Variants in ARPC2 observed in about 807,000 individuals in gnomAD.
ARPC2 encodes the protein actin related protein 2/3 complex subunit 2, also known as actin-related protein 2/3 complex subunit 2.
Under a neutral mutation model 38.6 loss-of-function variants are expected in ARPC2, and 4 were observed. The ratio of observed to expected loss-of-function variants is 0.10; its 90% CI spans 0.05 to 0.24. The LOEUF (loss-of-function observed/expected upper bound fraction) is 0.24, where lower values mean the gene tolerates loss of function less well. Ranked by LOEUF, ARPC2 falls within the 10% of genes least tolerant of loss-of-function variation. The pLI is 1.00. For synonymous variants in ARPC2, 125 were observed against 140.8 expected, an observed-to-expected ratio of 0.89 and a Z score of 0.79; for missense variants, 229 against 387.3, an observed-to-expected ratio of 0.59 and a Z score of 3.43.
chr2:218,254,125 G>C lies in ARPC2; in HGVS notation c.*210G>C, dbSNP rs1321183077. 4 of 496,618 alleles carry C rather than the reference G, an allele frequency of 8.1e-6. No individual in the cohort carries two copies. The highest frequency in any genetic ancestry group is 6.1e-5 in the African/African-American group (3 of 48,988). The allele number at this position is 496,618 out of a possible 1,614,324, so 30.8% of individuals were successfully genotyped here. On this transcript the variant is annotated 3_prime_UTR_variant, in exon 11 of 11. Coordinates refer to ENST00000315717, the MANE Select transcript of ARPC2 (RefSeq NM_152862.3). ...CCAAGAATTAAAAAAAAAAAAAAAA[G>C]AATTCCACTTGATCAACTTAATTCC...
chr2:218,228,378 G>A (rs781669743), intron 3 of ARPC2, among the ~76,000 whole-genome samples: 19 of 151,988 alleles, frequency 1.3e-4, no homozygotes, highest in Non-Finnish European at 7.4e-5. Flanking sequence ...ACTCCAGCCT[G>A]GGTGACAGAG....
At chr2:218,247,375 T>G (rs955363618) in intron 8 of ARPC2, among the ~76,000 whole-genome samples, 2 of 152,274 alleles carry the variant, frequency 1.3e-5, no homozygotes, top group Non-Finnish European at 2.9e-5. Flanking sequence ...GAATGTCTCC[T>G]TTGTGAAATG....
At chr2:218,229,571 A>G (rs1689582884) in intron 4 of ARPC2, among the ~76,000 whole-genome samples, 1 of 152,262 alleles carries the variant, frequency 6.6e-6, no homozygotes, top group Non-Finnish European at 1.5e-5. Context: ...GGTTCTCCTT[A>G]ATCTGTTAAA....
chr2:218,225,716 G>T (rs1689481281), intron 2 of ARPC2, among the ~76,000 whole-genome samples: 1 of 148,054 alleles, frequency 6.8e-6, no homozygotes, highest in Non-Finnish European at 1.5e-5. Context: ...TTTTTTATCT[G>T]ACCTTCCTTT....
chr2:218,219,667 C>T (rs1235987673), intron 2 of ARPC2, among the ~76,000 whole-genome samples: 3 of 152,102 alleles, frequency 2.0e-5, no homozygotes, highest in Non-Finnish European at 2.9e-5. Context: ...CAAAGATATG[C>T]ATTGTAGGGA....
At chr2:218,232,901 C>T (rs1227648473) in intron 4 of ARPC2, 2 of 152,062 alleles carry the variant, frequency 1.3e-5, no homozygotes, top group South Asian at 2.1e-4. Flanking sequence ...AACAGCCCCT[C>T]TTGTGAATAA....
intron 7 of ARPC2, among the ~76,000 whole-genome samples, chr2:218,241,683 G>T (rs367552262): frequency 1.3e-5 from 2 of 152,304 alleles, no homozygotes; most frequent in East Asian, 3.9e-4. Context: ...GGAGAATTTT[G>T]TGTATTCTTT....
intron 10 of ARPC2, 103 bp from the exon 11 acceptor site, chr2:218,253,788 C>A: frequency 2.2e-6 from 3 of 1,376,456 alleles, no homozygotes; most frequent in South Asian, 1.5e-5. Flanking sequence ...CCCTTTCCAC[C>A]TCTCATTTGG....
chr2:218,220,965 C>T (rs1303334824), intron 2 of ARPC2, among the ~76,000 whole-genome samples: 1 of 152,202 alleles, frequency 6.6e-6, no homozygotes, highest in Non-Finnish European at 1.5e-5. Flanking sequence ...TAACCTCATG[C>T]ACAGGTCTGA....
At chr2:218,235,187 T>A (rs1689740989) in intron 5 of ARPC2, 1 of 260,654 alleles carries the variant, frequency 3.8e-6, no homozygotes. Context: ...ACCTCACCTA[T>A]TTTTTCAGAC....
chr2:218,249,305 C>G (rs1690122830), intron 8 of ARPC2, 59 bp from the exon 9 acceptor site: 1 of 1,235,618 alleles, frequency 8.1e-7, no homozygotes, highest in South Asian at 1.3e-5. Flanking sequence ...TGTTGTTCTT[C>G]CCCACCCTTT....
chr2:218,249,728 C>A, intron 9 of ARPC2, 93 bp from the exon 10 acceptor site: 1 of 1,269,650 alleles, frequency 7.9e-7, no homozygotes, highest in Non-Finnish European at 1.1e-6. Context: ...GTGTATGTTC[C>A]CAACCGCCCT....
intron 7 of ARPC2, among the ~76,000 whole-genome samples, chr2:218,242,644 A>G (rs10182823): frequency 0.029 from 4,405 of 152,252 alleles, 236 homozygotes; most frequent in African/African-American, 0.099. Flanking sequence ...CTGTTTTCCC[A>G]GAGTATGTTG....
intron 8 of ARPC2, 24 bp from the exon 9 acceptor site, chr2:218,249,340 C>T: frequency 6.4e-7 from 1 of 1,573,334 alleles, no homozygotes; most frequent in South Asian, 1.1e-5. Flanking sequence ...GTCCTGACGC[C>T]TTGTTTGTGT....
intron 10 of ARPC2, among the ~76,000 whole-genome samples, chr2:218,252,180 A>T (rs1244659606): frequency 6.6e-6 from 1 of 152,068 alleles, no homozygotes; most frequent in Non-Finnish European, 1.5e-5. Flanking sequence ...CTAAGATCGC[A>T]CCATTGCACT....
chr2:218,236,128 C>T (rs1158402989), intron 5 of ARPC2: 2 of 151,252 alleles, frequency 1.3e-5, no homozygotes, highest in Non-Finnish European at 2.9e-5. Flanking sequence ...CTCTCCTCCT[C>T]TTTTTTAATG....
intron 2 of ARPC2, among the ~76,000 whole-genome samples, chr2:218,221,070 C>T (rs926846353): frequency 2.6e-5 from 4 of 152,224 alleles, no homozygotes; most frequent in African/African-American, 4.8e-5. Context: ...TTAGTGTACA[C>T]ACCAAGAACC....
At chr2:218,253,806 T>C in intron 10 of ARPC2, 85 bp from the exon 11 acceptor site, 2 of 1,476,212 alleles carry the variant, frequency 1.4e-6, no homozygotes, top group East Asian at 2.4e-5. Context: ...TGGTGTTTCT[T>C]TGGGATCCCA....
In ARPC2 at chr2:218,249,468, A is replaced by AG. The variant is rs756854303; in HGVS notation, c.777+10dup. On this transcript the variant is annotated splice_donor_region_variant and intron_variant, in intron 9 of 10. Coordinates refer to ENST00000315717, the MANE Select transcript of ARPC2 (RefSeq NM_152862.3). ...CTACCACATCAAGTGCTCTAAGGTGAGGGGGGTGCCAGCATCTCAGCCTCT... is the reference window on the plus strand; with the variant it reads ...CTACCACATCAAGTGCTCTAAGGTGAGGGGGGGTGCCAGCATCTCAGCCTCT... 1.9e-6 allele frequency: 3 copies of AG among 1,588,468 alleles called. No individual in the cohort carries two copies. Among genetic ancestry groups the AG allele is most frequent in the East Asian group, 2.2e-5 (1 of 44,704 alleles).
Sources: gnomAD v4.1 joint callset for allele counts (sites outside exome capture counted in the v4.1 genomes callset) on GRCh38, gnomAD v4.1.1 for gene constraint, MANE v1.5 for transcripts, NCBI Gene and HGNC (gene_info 2026-07-23, HGNC 2026-07-21) for gene names.